Variants in MBOAT1 observed in about 807,000 individuals in gnomAD.
The protein encoded by MBOAT1 is membrane-bound glycerophospholipid O-acyltransferase 1.
MBOAT1 carries 67 observed loss-of-function variants against 64.4 expected under a neutral mutation model. The observed-to-expected ratio is 1.04, with a 90% CI of 0.85 to 1.27. The LOEUF (loss-of-function observed/expected upper bound fraction) is 1.27. Among genes scored for constraint, MBOAT1 ranks in the 50% most tolerant of loss-of-function variants. The pLI is 0.00. For missense variants in MBOAT1, 563 were observed against 604.6 expected, an observed-to-expected ratio of 0.93 and a Z score of 0.72; for synonymous variants, 229 against 218.9, an observed-to-expected ratio of 1.05 and a Z score of -0.41.
intron 1 of MBOAT1, among the ~76,000 whole-genome samples, chr6:20,206,780 T>G (rs1016354630): frequency 2.0e-5 from 3 of 151,994 alleles, no homozygotes; most frequent in South Asian, 2.1e-4. Flanking sequence ...ATACCCCAGT[T>G]CCCCTGCTTG....
intron 1 of MBOAT1, among the ~76,000 whole-genome samples, chr6:20,189,498 C>T (rs751161412): frequency 1.1e-4 from 16 of 151,948 alleles, no homozygotes; most frequent in Non-Finnish European, 2.2e-4. Context: ...ACTCCTGGGC[C>T]CAAGTGATCA....
At chr6:20,153,238 CA>C (rs1339913622) in intron 1 of MBOAT1, among the ~76,000 whole-genome samples, 2 of 152,122 alleles carry the variant, frequency 1.3e-5, no homozygotes, top group Non-Finnish European at 2.9e-5. Context: ...TGTAACAGAA[CA>C]AGAAAACTAT....
In MBOAT1 at chr6:20,212,342, G is replaced by A; in HGVS notation, c.-108C>T. 3 of 996,238 alleles carry A rather than the reference G, an allele frequency of 3.0e-6. No homozygotes were observed. The highest frequency in any genetic ancestry group is 4.4e-6 in the Non-Finnish European group (3 of 677,510). The allele number at this position is 996,238 out of a possible 1,614,324, so 61.7% of individuals were successfully genotyped here. On this transcript the variant is annotated 5_prime_UTR_variant, in exon 1 of 13. Coordinates refer to ENST00000324607, the MANE Select transcript of MBOAT1 (RefSeq NM_001080480.3). ...TGGTTGCCCCGAGAGGCGCACGGCCGCCTGGTTCGCGGGGGAGCGAACGGG... is the reference window on the plus strand; with the variant it reads ...TGGTTGCCCCGAGAGGCGCACGGCCACCTGGTTCGCGGGGGAGCGAACGGG...
chr6:20,160,788 C>T (rs992793644), intron 1 of MBOAT1, among the ~76,000 whole-genome samples: 3 of 152,160 alleles, frequency 2.0e-5, no homozygotes, highest in African/African-American at 7.2e-5. Context: ...CTGTAGAATA[C>T]CCTTGATTTA....
chr6:20,163,653 G>T (rs957844814), intron 1 of MBOAT1, among the ~76,000 whole-genome samples: 1 of 152,158 alleles, frequency 6.6e-6, no homozygotes, highest in African/African-American at 2.4e-5. Context: ...CTTTCCAGAT[G>T]AAGGAACTGG....
chr6:20,112,812 A>C, intron 11 of MBOAT1, 64 bp downstream of exon 11: 1 of 1,558,656 alleles, frequency 6.4e-7, no homozygotes, highest in Non-Finnish European at 8.7e-7. Flanking sequence ...AGGACCCAAC[A>C]GATAACAAAC....
Position 20,172,816 on chromosome 6 carries a change from C to T in MBOAT1, c.100-20047G>A, listed in dbSNP as rs111554867. Among the ~76,000 whole-genome samples, 1,510 of 152,234 alleles carry T rather than the reference C, an allele frequency of 9.9e-3. 28 individuals carry two copies. The highest frequency in any genetic ancestry group is 0.035 in the African/African-American group (1,448 of 41,538). ...ATACAGGAGGTAAAAAGACAAAAAG[C>T]GTGATTTAGCTTCCTTGGATGGTGA... On this transcript the variant is annotated intron_variant, in intron 1 of 12. Transcript: ENST00000324607.
chr6:20,138,561 T>A (rs945698208), intron 4 of MBOAT1, among the ~76,000 whole-genome samples: 25 of 152,252 alleles, frequency 1.6e-4, no homozygotes, highest in African/African-American at 5.5e-4. Context: ...ATTTTTTCCC[T>A]TTGATAATTT....
intron 1 of MBOAT1, among the ~76,000 whole-genome samples, chr6:20,160,158 A>G (rs1761808808): frequency 6.6e-6 from 1 of 152,208 alleles, no homozygotes; most frequent in Admixed American, 6.5e-5. Context: ...AACCACAATC[A>G]AACTGTGCTA....
At chr6:20,133,575 C>T (rs1760894768) in intron 4 of MBOAT1, among the ~76,000 whole-genome samples, 1 of 151,734 alleles carries the variant, frequency 6.6e-6, no homozygotes, top group Non-Finnish European at 1.5e-5. Flanking sequence ...TTCTGAATGA[C>T]AAAAAAAACC....
intron 4 of MBOAT1, among the ~76,000 whole-genome samples, chr6:20,132,586 T>C (rs1205320259): frequency 2.6e-5 from 4 of 152,032 alleles, no homozygotes; most frequent in Admixed American, 2.6e-4. Flanking sequence ...TCAAAATGGA[T>C]CAAAGACCTA....
intron 1 of MBOAT1, among the ~76,000 whole-genome samples, chr6:20,196,345 A>C (rs1762954472): frequency 6.6e-6 from 1 of 152,198 alleles, no homozygotes; most frequent in Non-Finnish European, 1.5e-5. Context: ...AGCTAGTCAC[A>C]AAGACCACAT....
intron 11 of MBOAT1, 91 bp from the exon 12 acceptor site, chr6:20,109,840 A>AC (rs1421441929): frequency 7.6e-7 from 1 of 1,310,394 alleles, no homozygotes; most frequent in East Asian, 2.5e-5. Context: ...TGCCACAGGA[A>AC]CATGGGCTAC....
At chr6:20,130,708 A>T (rs551001171) in intron 5 of MBOAT1, among the ~76,000 whole-genome samples, 1 of 152,144 alleles carries the variant, frequency 6.6e-6, no homozygotes, top group South Asian at 2.1e-4. Context: ...AGCCAAAAAA[A>T]AAAACAAACA....
At chr6:20,173,899 G>A (rs1371361766) in intron 1 of MBOAT1, among the ~76,000 whole-genome samples, 4 of 152,142 alleles carry the variant, frequency 2.6e-5, no homozygotes, top group Non-Finnish European at 4.4e-5. Flanking sequence ...TGCAGTGGCC[G>A]GGATCACGCC....
rs148547952 is a variant in MBOAT1 at position 20,157,564 on chromosome 6, G to A, written c.100-4795C>T. On this transcript the variant is annotated intron_variant, in intron 1 of 12. Coordinates refer to ENST00000324607, the MANE Select transcript of MBOAT1 (RefSeq NM_001080480.3). Reference sequence around the variant, plus strand: ...CCCACACATTCCCTGCACTACCTACGTACACTCACATACACAAACAGTGAT... The same window carrying A: ...CCCACACATTCCCTGCACTACCTACATACACTCACATACACAAACAGTGAT... Among the ~76,000 whole-genome samples, 9 of 152,074 alleles carry A rather than the reference G, an allele frequency of 5.9e-5. No homozygotes were observed. The East Asian group carries it at 7.7e-4, about 13-fold the overall frequency.
At position 20,109,675 on chromosome 6, in the gene MBOAT1, G is replaced by C. The variant is rs563960628; in HGVS notation, c.1284C>G (p.Ala428=). 5.0e-6 allele frequency: 8 copies of C among 1,614,174 alleles called. No homozygotes were observed. Among genetic ancestry groups the C allele is most frequent in the Non-Finnish European group, 6.8e-6 (8 of 1,180,020 alleles). ...TGTAAGAGACAGCCAGCTGAGTGAC[G>C]GCCCAGGTGCCTGCATCATACACAG... ...LKAVYDAGTW[A]VTQLAVSYTV... Residue 428 remains alanine (A), a synonymous_variant, in exon 12 of 13, where the codon GCC becomes GCG. Coordinates refer to ENST00000324607, the MANE Select transcript of MBOAT1 (RefSeq NM_001080480.3).
chr6:20,164,820 G>C lies in MBOAT1; in HGVS notation c.100-12051C>G, dbSNP rs571153920. On this transcript the variant is annotated intron_variant, in intron 1 of 12. Coordinates refer to ENST00000324607, the MANE Select transcript of MBOAT1 (RefSeq NM_001080480.3). ...TACGATTTTTCAACTTTAAGATGGT[G>C]TGAAAGTGACTTGCATTCAGTAGAA... Among the ~76,000 whole-genome samples, 12 of 152,286 alleles carry C rather than the reference G, an allele frequency of 7.9e-5. No homozygotes were observed. In the South Asian group the frequency reaches 2.5e-3, roughly 32 times the overall value.
At chr6:20,152,138 C>T (rs963722005) in intron 2 of MBOAT1, among the ~76,000 whole-genome samples, 1 of 151,614 alleles carries the variant, frequency 6.6e-6, no homozygotes, top group Non-Finnish European at 1.5e-5. Flanking sequence ...CTGGGCAACA[C>T]GGTGAAACCC....
Sources: allele counts gnomAD v4.1 joint callset (sites outside exome capture counted in the v4.1 genomes callset), GRCh38; gene constraint gnomAD v4.1.1; transcripts MANE v1.5; gene names NCBI Gene and HGNC (gene_info 2026-07-23, HGNC 2026-07-21).